CRPPA: variants seen among roughly 807,000 people sequenced by gnomAD.
The protein encoded by CRPPA is CDP-L-ribitol pyrophosphorylase A, also known as D-ribitol-5-phosphate cytidylyltransferase.
Under a neutral mutation model 52.0 loss-of-function variants are expected in CRPPA, and 43 were observed. The ratio of observed to expected loss-of-function variants is 0.83; its 90% CI spans 0.65 to 1.07. The LOEUF is 1.07. Among genes scored for constraint, CRPPA ranks in the 50% least tolerant of loss-of-function variants. CRPPA has a pLI of 0.00. For synonymous variants in CRPPA, 250 were observed against 203.5 expected (o/e 1.23, Z -1.94); for missense variants, 629 against 551.7 (o/e 1.14, Z -1.40).
intron 3 of CRPPA, among the ~76,000 whole-genome samples, chr7:16,328,927 T>C (rs1426276863): frequency 6.6e-6 from 1 of 152,190 alleles, no homozygotes; most frequent in African/African-American, 2.4e-5. Context: ...AGCACACAGT[T>C]TGGGCCATAG....
chr7:16,143,054 T>A (rs1442164407), intron 9 of CRPPA, among the ~76,000 whole-genome samples: 1 of 152,242 alleles, frequency 6.6e-6, no homozygotes, highest in Non-Finnish European at 1.5e-5. Context: ...TTTTATCGTC[T>A]TGTATTTGGC....
intron 8 of CRPPA, among the ~76,000 whole-genome samples, chr7:16,246,526 A>G (rs1179745436): frequency 6.6e-6 from 1 of 152,236 alleles, no homozygotes; most frequent in Non-Finnish European, 1.5e-5. Context: ...AGAGGAATCT[A>G]TCTAGGGCAG....
At chr7:16,174,269 CA>C (rs1781249762) in intron 9 of CRPPA, among the ~76,000 whole-genome samples, 1 of 152,058 alleles carries the variant, frequency 6.6e-6, no homozygotes, top group African/African-American at 2.4e-5. Context: ...GGGGAAAATG[CA>C]AGGTTCAGGA....
intron 8 of CRPPA, among the ~76,000 whole-genome samples, chr7:16,245,289 G>T (rs902660635): frequency 1.3e-5 from 2 of 152,146 alleles, no homozygotes; most frequent in African/African-American, 2.4e-5. Context: ...CTAGATTTAA[G>T]ACTTTCATTT....
At chr7:16,267,007 A>G (rs540687071) in intron 6 of CRPPA, among the ~76,000 whole-genome samples, 41 of 152,360 alleles carry the variant, frequency 2.7e-4, no homozygotes, top group Non-Finnish European at 4.7e-4. Flanking sequence ...AGATATAAAC[A>G]GTAATATGAT....
intron 9 of CRPPA, among the ~76,000 whole-genome samples, chr7:16,118,623 C>A (rs891072046): frequency 6.6e-6 from 1 of 152,166 alleles, no homozygotes; most frequent in African/African-American, 2.4e-5. Context: ...AAGGAAAGAA[C>A]TAGGACTGCC....
chr7:16,340,191 A>G (rs1306777432), intron 3 of CRPPA, among the ~76,000 whole-genome samples: 1 of 152,146 alleles, frequency 6.6e-6, no homozygotes, highest in Non-Finnish European at 1.5e-5. Context: ...GACCTTAGGT[A>G]TGGCTATAAC....
In CRPPA at chr7:16,421,413, C is replaced by G. The variant is rs1788336939; in HGVS notation, c.-91G>C. ...TCGGCCGGGGTCGCGGGGCGAAGGG[C>G]AGACCACGGAGAGGGACGCAGAGCG... On this transcript the variant is annotated 5_prime_UTR_variant, in exon 1 of 10. Coordinates refer to ENST00000407010, the MANE Select transcript of CRPPA (RefSeq NM_001101426.4). The G allele has an allele frequency of 8.5e-7, 1 of 1,171,990 alleles. No homozygotes were observed. The highest frequency in any genetic ancestry group is 1.1e-6 in the Non-Finnish European group (1 of 940,320). The allele number at this position is 1,171,990 out of a possible 1,614,324, so 72.6% of individuals were successfully genotyped here.
intron 8 of CRPPA, among the ~76,000 whole-genome samples, chr7:16,218,122 G>A (rs1782383144): frequency 6.6e-6 from 1 of 152,106 alleles, no homozygotes. Flanking sequence ...CCAGAAGACA[G>A]TGGGGGCCAA....
chr7:16,271,309 C>A (rs538056679), intron 6 of CRPPA, among the ~76,000 whole-genome samples: 3 of 152,230 alleles, frequency 2.0e-5, no homozygotes, highest in South Asian at 4.1e-4. Flanking sequence ...ACAAGTACTG[C>A]AGAGGTTTCC....
In CRPPA at chr7:16,157,183, A is replaced by ATTT. The variant is rs71007748; in HGVS notation, c.1251+58880_1251+58882dup. Reference sequence around the variant, plus strand: ...AATCTTTCGGAACACAAATGCTGCAATTTTTTTTTTTTTTTTGCCCTAAAG... The same window carrying ATTT: ...AATCTTTCGGAACACAAATGCTGCAATTTTTTTTTTTTTTTTTTTGCCCTAAAG... On this transcript the variant is annotated intron_variant, in intron 9 of 9. Transcript: ENST00000407010. Among the ~76,000 whole-genome samples the ATTT allele has an allele frequency of 7.7e-5, 11 of 142,658 alleles. No homozygotes were observed. The South Asian group carries it at 9.0e-4, about 12-fold the overall frequency. The allele number at this position is 142,658 out of a possible 152,430, so 93.6% of individuals were successfully genotyped here.
intron 9 of CRPPA, among the ~76,000 whole-genome samples, chr7:16,095,238 T>A (rs901314832): frequency 6.6e-6 from 1 of 152,222 alleles, no homozygotes; most frequent in Non-Finnish European, 1.5e-5. Flanking sequence ...CTGGACCATT[T>A]ATATATTCCT....
chr7:16,223,988 A>C (rs1356096947), intron 8 of CRPPA, among the ~76,000 whole-genome samples: 3 of 152,194 alleles, frequency 2.0e-5, no homozygotes, highest in Non-Finnish European at 4.4e-5. Context: ...TCACATATAC[A>C]TAAAAAAGAT....
intron 9 of CRPPA, among the ~76,000 whole-genome samples, chr7:16,099,683 A>G (rs1249151098): frequency 6.6e-6 from 1 of 152,198 alleles, no homozygotes; most frequent in Non-Finnish European, 1.5e-5. Context: ...AAGGCATCAG[A>G]CATCTGGCCT....
At chr7:16,259,162 C>A (rs768631434) in intron 6 of CRPPA, 150 bp from the exon 7 acceptor site, 5 of 539,824 alleles carry the variant, frequency 9.3e-6, no homozygotes, top group South Asian at 2.7e-5. Flanking sequence ...GTTCATCAGG[C>A]TATCAAGAAA....
chr7:16,286,698 C>A (rs778671452), intron 5 of CRPPA, among the ~76,000 whole-genome samples: 3 of 152,124 alleles, frequency 2.0e-5, no homozygotes, highest in Non-Finnish European at 2.9e-5. Context: ...AAGGAATGCA[C>A]AGGCAACAAT....
In CRPPA at chr7:16,286,097, A is replaced by AAAAAAATAT; in HGVS notation, c.836-7872_836-7871insATATTTTTT. On this transcript the variant is annotated intron_variant, in intron 5 of 9. Transcript: ENST00000407010. The stretch of plus-strand genomic sequence containing the variant: ...TATATATATAATATTTAAAAAAAAA[A>AAAAAAATAT]ATATATATATATATATATATGCCAA... 1.9e-3 allele frequency among the ~76,000 whole-genome samples: 74 copies of AAAAAAATAT among 39,118 alleles called. 9 individuals are homozygous for AAAAAAATAT. Among genetic ancestry groups the AAAAAAATAT allele is most frequent in the African/African-American group, 0.013 (69 of 5,450 alleles). The allele number at this position is 39,118 out of a possible 152,430, so 25.7% of individuals were successfully genotyped here.
chr7:16,384,970 T>A (rs1243845117), intron 2 of CRPPA, among the ~76,000 whole-genome samples: 2 of 152,156 alleles, frequency 1.3e-5, no homozygotes, highest in African/African-American at 4.8e-5. Context: ...TATGACAATA[T>A]CACTAATGTT....
chr7:16,290,117 A>C (rs1285768272), intron 5 of CRPPA, among the ~76,000 whole-genome samples: 1 of 152,058 alleles, frequency 6.6e-6, no homozygotes, highest in Non-Finnish European at 1.5e-5. Context: ...CCTCTACAAC[A>C]AAAACTACAA....
Sources: allele counts gnomAD v4.1 joint callset (sites outside exome capture counted in the v4.1 genomes callset), GRCh38; gene constraint gnomAD v4.1.1; transcripts MANE v1.5; gene names NCBI Gene and HGNC (gene_info 2026-07-23, HGNC 2026-07-21).